The following MAST4 variants were observed in gnomAD, a reference collection of about 807,000 sequenced individuals.
MAST4 encodes microtubule-associated serine/threonine-protein kinase 4.
In MAST4, 89 loss-of-function variants were observed where a neutral mutation model predicts 162.7. The ratio of observed to expected loss-of-function variants is 0.55; its 90% CI spans 0.46 to 0.65. The LOEUF is 0.65. Among genes scored for constraint, MAST4 ranks in the 30% least tolerant of loss-of-function variants. The pLI is 0.00. For missense variants in MAST4, 3,153 were observed against 3,374.0 expected, an observed-to-expected ratio of 0.93 and a Z score of 1.62; for synonymous variants, 1,479 against 1,361.1, an observed-to-expected ratio of 1.09 and a Z score of -1.91.
chr5:66,735,326 A>T (rs751875602), intron 1 of MAST4, among the ~76,000 whole-genome samples: 61 of 152,336 alleles, frequency 4.0e-4, no homozygotes, highest in Middle Eastern at 3.4e-3. Flanking sequence ...TTTAGGTTTC[A>T]TGCAGGTTTC....
intron 3 of MAST4, among the ~76,000 whole-genome samples, chr5:66,848,083 CT>C (rs1479892794): frequency 2.0e-5 from 3 of 152,064 alleles, no homozygotes; most frequent in African/African-American, 7.2e-5. Context: ...TATTTTGTTA[CT>C]TGGAACAAAA....
At chr5:67,108,350 T>G (rs79584260) in intron 10 of MAST4, among the ~76,000 whole-genome samples, 2,338 of 152,166 alleles carry the variant, frequency 0.015, 38 homozygotes, top group African/African-American at 0.041. Context: ...AAGTTAGGTG[T>G]TTTTTTGCTT....
At chr5:67,084,320 C>A (rs929867953) in intron 5 of MAST4, among the ~76,000 whole-genome samples, 1 of 152,016 alleles carries the variant, frequency 6.6e-6, no homozygotes, top group Non-Finnish European at 1.5e-5. Context: ...TGTTTAAGAG[C>A]TTTGATTTAA....
At chr5:67,085,308 ATC>A (rs989154406) in intron 5 of MAST4, among the ~76,000 whole-genome samples, 6 of 152,152 alleles carry the variant, frequency 3.9e-5, no homozygotes, top group African/African-American at 9.6e-5. Flanking sequence ...CTAAATCACC[ATC>A]TCTCTTACCT....
intron 4 of MAST4, among the ~76,000 whole-genome samples, chr5:66,961,971 C>T (rs1465137941): frequency 1.3e-5 from 2 of 152,190 alleles, no homozygotes; most frequent in Admixed American, 1.3e-4. Context: ...TAAAACTTTA[C>T]TCTGTTGAAA....
intron 1 of MAST4, among the ~76,000 whole-genome samples, chr5:66,666,861 G>A (rs1193355764): frequency 1.3e-5 from 2 of 152,222 alleles, no homozygotes; most frequent in African/African-American, 2.4e-5. Flanking sequence ...GGGGCCAGGT[G>A]AGTAAACAGG....
chr5:66,955,781 G>GTA (rs1207971657), intron 4 of MAST4, among the ~76,000 whole-genome samples: 1 of 152,076 alleles, frequency 6.6e-6, no homozygotes, highest in African/African-American at 2.4e-5. Flanking sequence ...AACCATGTGT[G>GTA]TATATATATG....
intron 1 of MAST4, among the ~76,000 whole-genome samples, chr5:66,758,836 G>A (rs918538356): frequency 3.9e-5 from 6 of 152,116 alleles, no homozygotes; most frequent in Non-Finnish European, 8.8e-5. Flanking sequence ...ACCTTTTTAT[G>A]TACTTTTTTG....
chr5:66,625,820 TAA>T (rs993466800), intron 1 of MAST4, among the ~76,000 whole-genome samples: 4 of 152,162 alleles, frequency 2.6e-5, no homozygotes, highest in African/African-American at 9.7e-5. Context: ...ATCAGGATCA[TAA>T]AGAGATACTT....
chr5:66,676,649 C>G (rs999174983), intron 1 of MAST4, among the ~76,000 whole-genome samples: 2 of 152,182 alleles, frequency 1.3e-5, no homozygotes, highest in Admixed American at 6.5e-5. Context: ...CAGCGGAGCA[C>G]TTGCTGAGAA....
chr5:66,941,897 ATGGGGGAACGGC>A (rs1743411743), intron 4 of MAST4, among the ~76,000 whole-genome samples: 1 of 152,120 alleles, frequency 6.6e-6, no homozygotes, highest in South Asian at 2.1e-4. Context: ...AAGGAAAGAG[ATGGGGGAACGGC>A]TGGTCGATCA....
chr5:66,956,655 C>A (rs752360154), intron 4 of MAST4, among the ~76,000 whole-genome samples: 1 of 152,312 alleles, frequency 6.6e-6, no homozygotes, highest in Non-Finnish European at 1.5e-5. Context: ...TTCTTGAACT[C>A]GTGACTTTAA....
At chr5:67,079,972 G>A (rs1762413214) in intron 5 of MAST4, among the ~76,000 whole-genome samples, 1 of 152,182 alleles carries the variant, frequency 6.6e-6, no homozygotes, top group African/African-American at 2.4e-5. Flanking sequence ...AGGGAAAAGT[G>A]GCAGTACTTT....
chr5:66,691,363 G>A lies in MAST4; in HGVS notation c.364-68346G>A, dbSNP rs576316985. On this transcript the variant is annotated intron_variant, in intron 1 of 28. Coordinates refer to ENST00000403625, the MANE Select transcript of MAST4 (RefSeq NM_001164664.2). ...TAACTCCCCTAGGGTTTTTGCCAAC[G>A]CCAAAGAAATATCTCACATTAATGC... Among the ~76,000 whole-genome samples the A allele has an allele frequency of 1.2e-4, 19 of 152,010 alleles. No individual in the cohort carries two copies. In the South Asian group the frequency reaches 1.9e-3, roughly 15 times the overall value.
chr5:67,094,106 G>T, intron 6 of MAST4: 5 of 1,285,216 alleles, frequency 3.9e-6, no homozygotes, highest in Middle Eastern at 2.0e-4. Context: ...ATCTTACTTT[G>T]CTTCTTTTTT....
intron 4 of MAST4, among the ~76,000 whole-genome samples, chr5:66,945,874 C>T (rs180961014): frequency 1.4e-4 from 21 of 152,194 alleles, no homozygotes; most frequent in African/African-American, 3.1e-4. Flanking sequence ...AACTATTTAA[C>T]GAGCATTTTT....
chr5:66,811,266 A>C (rs532735617), intron 3 of MAST4, among the ~76,000 whole-genome samples: 1 of 152,364 alleles, frequency 6.6e-6, no homozygotes, highest in South Asian at 2.1e-4. Flanking sequence ...TTATGGCCAC[A>C]TGTAGCTTGA....
intron 23 of MAST4, among the ~76,000 whole-genome samples, chr5:67,148,043 C>T (rs988550307): frequency 1.3e-5 from 2 of 152,188 alleles, no homozygotes; most frequent in Non-Finnish European, 2.9e-5. Flanking sequence ...TACAACCATA[C>T]CACTGAGTGG....
Position 67,145,484 on chromosome 5 carries a change from A to T in MAST4, c.3094+105A>T, listed in dbSNP as rs929238698. 10 of 846,824 alleles carry T rather than the reference A, an allele frequency of 1.2e-5. No individual in the cohort carries two copies. The African/African-American group carries it at 1.5e-4, about 13-fold the overall frequency. 52.5% of individuals were successfully genotyped at this position (846,824 alleles called of 1,614,324 possible). A position where few individuals can be genotyped will look rare whatever the true frequency, so the allele number is the denominator to read the frequency against. ...GCCAGGCAGTAAAGATGGGTGTTTT[A>T]TGCTGCTAGACTTTCTCCATGGCCT... is the stretch of plus-strand genomic sequence containing the variant. On this transcript the variant is annotated intron_variant, in intron 23 of 28. Coordinates refer to ENST00000403625, the MANE Select transcript of MAST4 (RefSeq NM_001164664.2).
Sources: gnomAD v4.1 joint callset for allele counts (sites outside exome capture counted in the v4.1 genomes callset) on GRCh38, gnomAD v4.1.1 for gene constraint, MANE v1.5 for transcripts, NCBI Gene and HGNC (gene_info 2026-07-23, HGNC 2026-07-21) for gene names.